The following MFSD12 variants were observed in gnomAD, a reference collection of about 807,000 sequenced individuals.
MFSD12 encodes the protein major facilitator superfamily domain containing 12.
MFSD12 carries 67 observed loss-of-function variants against 51.2 expected under a neutral mutation model. The ratio of observed to expected loss-of-function variants is 1.31; its 90% CI spans 1.08 to 1.60. MFSD12 has a LOEUF of 1.60. MFSD12 is among the 40% of genes most tolerant of loss of function. The pLI is 0.00. For missense variants in MFSD12, 921 were observed against 673.0 expected (o/e 1.37, Z -4.08); for synonymous variants, 441 against 316.7 (o/e 1.39, Z -4.17).
rs985315142 is a variant in MFSD12 at position 3,547,015 on chromosome 19, T to A, written c.1023+257A>T. On this transcript the variant is annotated intron_variant, in intron 6 of 9. Transcript: ENST00000355415. ...ACGCCCGGCTAATTTTGTTTTTGTA[T>A]CTTTAGTAGAGACGGGGTTTCACCG... 1.3e-5 allele frequency among the ~76,000 whole-genome samples: 2 copies of A among 152,130 alleles called. 1 individual carries two copies. The highest frequency in any genetic ancestry group is 4.1e-4 in the South Asian group (2 of 4,830).
chr19:3,539,420 C>G (rs768107316), downstream of MFSD12: 4 of 593,538 alleles, frequency 6.7e-6, no homozygotes, highest in Non-Finnish European at 1.2e-5. Context: ...CTGTTCCCCT[C>G]CGGCCAGTGG....
intron 4 of MFSD12, chr19:3,539,003 A>G: frequency 1.6e-6 from 1 of 628,996 alleles, no homozygotes. Flanking sequence ...ACACTGTGTC[A>G]CCCCCAGTTG....
chr19:3,541,475 A>G (rs2030408094), downstream of MFSD12: 1 of 163,808 alleles, frequency 6.1e-6, no homozygotes, highest in Non-Finnish European at 1.3e-5. Context: ...GGCACCCACC[A>G]CCACGCCCGG....
chr19:3,543,588 A>C (rs376461693), downstream of MFSD12: 1 of 1,540,762 alleles, frequency 6.5e-7, no homozygotes, highest in Non-Finnish European at 8.7e-7. Context: ...ACCGCCTGGC[A>C]TGACCCCATC....
At position 3,544,343 on chromosome 19, in the gene MFSD12, G is replaced by A; in HGVS notation, c.*367C>T. On this transcript the variant is annotated 3_prime_UTR_variant, in exon 10 of 10. Coordinates refer to ENST00000355415, the MANE Select transcript of MFSD12 (RefSeq NM_174983.5). ...CAGCCGTCCTGAGGGGGCCCTGGCA[G>A]TGTCTGGAGACCCCCAGGCTGGAGG... The A allele has an allele frequency of 7.9e-7, 1 of 1,270,786 alleles. No individual in the cohort carries two copies. The highest frequency in any genetic ancestry group is 9.9e-7 in the Non-Finnish European group (1 of 1,007,970). 78.7% of individuals were successfully genotyped at this position (1,270,786 alleles called of 1,614,324 possible). A position where few individuals can be genotyped will look rare whatever the true frequency, so the allele number is the denominator to read the frequency against.
chr19:3,543,884 G>A (rs959279504), downstream of MFSD12: 16 of 1,550,674 alleles, frequency 1.0e-5, no homozygotes, highest in Non-Finnish European at 1.3e-5. Flanking sequence ...CAGACTACGT[G>A]CCCTCCCTGT....
At chr19:3,552,554 A>C (rs1210108647) in intron 1 of MFSD12, among the ~76,000 whole-genome samples, 2 of 139,736 alleles carry the variant, frequency 1.4e-5, no homozygotes, top group Non-Finnish European at 3.0e-5. Context: ...AGCTCATTGC[A>C]GCCTCTGCCT....
rs1485169129 is a variant in MFSD12, at chr19:3,547,448, T to G, written c.930+7A>C. The G allele has an allele frequency of 6.2e-7, 1 of 1,612,742 alleles. No homozygotes were observed. Among genetic ancestry groups the G allele is most frequent in the East Asian group, 2.2e-5 (1 of 44,858 alleles). The stretch of plus-strand genomic sequence containing the variant: ...CCATCCCAGCGTCCCCGCCCCAATC[T>G]GCTCACCTTGGGCAGGTGGAGCGAG... On this transcript the variant is annotated splice_region_variant and intron_variant, in intron 5 of 9. Transcript: ENST00000355415.
chr19:3,541,873 A>G (rs562100582), downstream of MFSD12: 118 of 879,518 alleles, frequency 1.3e-4, no homozygotes, highest in Middle Eastern at 2.9e-3. Context: ...CAGTGACGCA[A>G]TCTCGGCTCA....
chr19:3,543,423 A>C (rs1599814421), downstream of MFSD12: 1 of 1,546,972 alleles, frequency 6.5e-7, no homozygotes, highest in Non-Finnish European at 8.7e-7. Context: ...CGCGAGGCCT[A>C]CAACCGCTGG....
At chr19:3,540,415 G>A (rs1054833195), downstream of MFSD12, among the ~76,000 whole-genome samples, 7 of 151,654 alleles carry the variant, frequency 4.6e-5, no homozygotes, top group East Asian at 7.9e-4. Context: ...GCGCTACCAT[G>A]CCCAGCTAAT....
chr19:3,543,946 T>A, downstream of MFSD12: 2 of 1,550,768 alleles, frequency 1.3e-6, no homozygotes, highest in Non-Finnish European at 1.7e-6. Context: ...GAGTGGGTCC[T>A]GGAACCATAC....
Position 3,551,607 on chromosome 19 carries a change from T to C in MFSD12, c.299-413A>G, listed in dbSNP as rs2031481542. ...CTTAAGCTCCGCCATCCTCATCAGCTCCTAAGGTGACCACTCCCTGGAATG... is the reference window on the plus strand; with the variant it reads ...CTTAAGCTCCGCCATCCTCATCAGCCCCTAAGGTGACCACTCCCTGGAATG... On this transcript the variant is annotated intron_variant, in intron 1 of 9. Transcript: ENST00000355415. This position sits in a 1 kb window ranked among gnomAD's most constrained non-coding sequence, Gnocchi z 4.6. 6.6e-6 allele frequency among the ~76,000 whole-genome samples: 1 copy of C among 151,872 alleles called. No homozygotes were observed. Among genetic ancestry groups the C allele is most frequent in the African/African-American group, 2.4e-5 (1 of 41,324 alleles).
At chr19:3,556,586 G>A (rs983605245) in intron 1 of MFSD12, among the ~76,000 whole-genome samples, 2 of 151,192 alleles carry the variant, frequency 1.3e-5, no homozygotes, top group Non-Finnish European at 3.0e-5. Flanking sequence ...GCACAGCACA[G>A]TCAGACGGGG....
chr19:3,549,126 T>C (rs555030125), intron 2 of MFSD12, among the ~76,000 whole-genome samples: 6 of 152,296 alleles, frequency 3.9e-5, no homozygotes, highest in African/African-American at 1.4e-4. Context: ...CCTATAACTA[T>C]GCCAGGCACA....
intron 2 of MFSD12, among the ~76,000 whole-genome samples, chr19:3,549,706 G>A (rs1225935119): frequency 7.6e-6 from 1 of 130,744 alleles, no homozygotes; most frequent in East Asian, 2.3e-4. Flanking sequence ...CTGGGTGACA[G>A]AGTGAGACTC....
At chr19:3,556,663 G>T (rs1002298010) in intron 1 of MFSD12, among the ~76,000 whole-genome samples, 4 of 151,774 alleles carry the variant, frequency 2.6e-5, no homozygotes, top group Admixed American at 6.6e-5. Flanking sequence ...GGAGGCTCAG[G>T]AGTGACACCA....
At chr19:3,550,904 C>G in intron 2 of MFSD12, 80 bp downstream of exon 2, 2 of 1,199,888 alleles carry the variant, frequency 1.7e-6, no homozygotes, top group South Asian at 2.6e-5. Flanking sequence ...AGTCTGTGGC[C>G]GCTCATTATG....
chr19:3,548,821 T>C (rs1358886838), intron 2 of MFSD12, among the ~76,000 whole-genome samples: 3 of 152,224 alleles, frequency 2.0e-5, no homozygotes, highest in African/African-American at 7.2e-5. Flanking sequence ...GCCTGGGGTC[T>C]GGCCCCGGTC....
Sources: allele counts gnomAD v4.1 joint callset (sites outside exome capture counted in the v4.1 genomes callset), GRCh38; gene constraint gnomAD v4.1.1; non-coding constraint Gnocchi (gnomAD v3.1); transcripts MANE v1.5; gene names NCBI Gene and HGNC (gene_info 2026-07-23, HGNC 2026-07-21).